GALNT9: variants seen among roughly 807,000 people sequenced by gnomAD.
GALNT9 encodes the protein GalNAc transferase 9.
GALNT9 carries 47 observed loss-of-function variants against 63.1 expected under a neutral mutation model. That is an observed-to-expected ratio of 0.75 (90% confidence interval 0.59 to 0.95). The LOEUF is 0.95. GALNT9 is among the 40% of genes least tolerant of loss of function. The pLI, the probability that GALNT9 is intolerant of heterozygous loss-of-function variation, is 0.00. For missense variants in GALNT9, 829 were observed against 874.8 expected, an observed-to-expected ratio of 0.95 and a Z score of 0.66; for synonymous variants, 396 against 365.7, an observed-to-expected ratio of 1.08 and a Z score of -0.94.
chr12:132,271,055 C>T (rs782684832), intron 2 of GALNT9, among the ~76,000 whole-genome samples: 7 of 152,130 alleles, frequency 4.6e-5, no homozygotes, highest in Non-Finnish European at 7.4e-5. Context: ...CCTCAGCTGC[C>T]GCCGTCCGCT....
chr12:132,295,999 C>T (rs566808344), intron 1 of GALNT9, among the ~76,000 whole-genome samples: 12 of 138,816 alleles, frequency 8.6e-5, no homozygotes, highest in East Asian at 7.9e-4. Context: ...GGACGGCCTC[C>T]GGAACAGGGA....
chr12:132,295,294 G>A (rs1555243124), intron 1 of GALNT9, among the ~76,000 whole-genome samples: 1 of 152,242 alleles, frequency 6.6e-6, no homozygotes, highest in Admixed American at 6.5e-5. Flanking sequence ...CCAGCGCCAG[G>A]CGCTGTGCAG....
chr12:132,277,854 G>C (rs1314854809), intron 2 of GALNT9: 1 of 152,236 alleles, frequency 6.6e-6, no homozygotes, highest in East Asian at 1.9e-4. Flanking sequence ...GAGACCCTGC[G>C]CCAGGCCCCA....
chr12:132,320,650 G>A (rs1461768322), intron 1 of GALNT9, among the ~76,000 whole-genome samples: 7 of 29,642 alleles, frequency 2.4e-4, no homozygotes, highest in African/African-American at 1.0e-3. Context: ...GGGACACGGT[G>A]GAGGAGGTGG....
chr12:132,304,445 A>G (rs1216882574), intron 1 of GALNT9, among the ~76,000 whole-genome samples: 11 of 43,266 alleles, frequency 2.5e-4, no homozygotes, highest in East Asian at 1.9e-3. Context: ...GCCCGGGCAC[A>G]CCCTCGCCCG....
At chr12:132,280,724 A>C (rs1480299417) in intron 2 of GALNT9, 1 of 152,070 alleles carries the variant, frequency 6.6e-6, no homozygotes, top group Non-Finnish European at 1.5e-5. Flanking sequence ...GACCCCGGGG[A>C]AGAGACCCCT....
At position 132,286,145 on chromosome 12, in the gene GALNT9, C is replaced by CTCACTTCCCCGGCCGGCGTGGGGGGCAG; in HGVS notation, c.419+77_419+104dup. ...ACTTCCCTGGCGGGCGTGGGGGCCG[C>CTCACTTCCCCGGCCGGCGTGGGGGGCAG]TCACTTCCCCGGCCGGCGTGGGGGG... On this transcript the variant is annotated intron_variant, in intron 2 of 10. Transcript: ENST00000328957. The surrounding 1 kb of genome is among the most constrained non-coding windows in gnomAD (Gnocchi z 7.4). The CTCACTTCCCCGGCCGGCGTGGGGGGCAG allele has an allele frequency of 4.4e-6, 5 of 1,146,654 alleles. No homozygotes were observed. Among genetic ancestry groups the CTCACTTCCCCGGCCGGCGTGGGGGGCAG allele is most frequent in the Non-Finnish European group, 5.7e-6 (5 of 870,838 alleles). The allele number at this position is 1,146,654 out of a possible 1,614,324, so 71.0% of individuals were successfully genotyped here.
rs80062514 is a variant in GALNT9 at position 132,213,873 on chromosome 12, G to A, written c.1078-10183C>T. On this transcript the variant is annotated intron_variant, in intron 6 of 10. Coordinates refer to ENST00000328957, the MANE Select transcript of GALNT9 (RefSeq NM_001122636.2). The stretch of plus-strand genomic sequence containing the variant: ...GCCTCGACTGCATCAGTTGGTGCGC[G>A]TGGGCGCTGACAGTCCAGAACAGCC... Among the ~76,000 whole-genome samples the A allele has an allele frequency of 7.8e-4, 119 of 152,354 alleles. 2 individuals are homozygous for A. In the East Asian group the frequency reaches 0.019, roughly 24 times the overall value.
intron 1 of GALNT9, among the ~76,000 whole-genome samples, chr12:132,300,674 C>T (rs1174815702): frequency 4.0e-5 from 6 of 150,850 alleles, no homozygotes; most frequent in Admixed American, 2.0e-4. Context: ...GACCAAGCCA[C>T]TCCTGAGATA....
intron 6 of GALNT9, among the ~76,000 whole-genome samples, chr12:132,217,264 T>C (rs10902523): frequency 0.59 from 85,638 of 144,330 alleles, 25,440 homozygotes; most frequent in East Asian, 0.78. Context: ...CATCCATCCA[T>C]TCACTCATCC....
chr12:132,299,112 T>C (rs1326006518), intron 1 of GALNT9, among the ~76,000 whole-genome samples: 2 of 101,560 alleles, frequency 2.0e-5, no homozygotes, highest in Non-Finnish European at 1.9e-5. Flanking sequence ...GATAACCCAC[T>C]CCCATGATAA....
chr12:132,281,301 G>A (rs1555241664), intron 2 of GALNT9, among the ~76,000 whole-genome samples: 3 of 152,222 alleles, frequency 2.0e-5, no homozygotes, highest in African/African-American at 7.2e-5. Context: ...TCCAGGCTGG[G>A]CGTGGAGCCT....
Position 132,266,000 on chromosome 12 carries a change from G to A in GALNT9, c.420-3375C>T, listed in dbSNP as rs966573179. ...TGAACAGGCACGCACAGCCAACCGC[G>A]GGCCTGTCTGCCTTTACACGCCCGA... On this transcript the variant is annotated intron_variant, in intron 2 of 10. Coordinates refer to ENST00000328957, the MANE Select transcript of GALNT9 (RefSeq NM_001122636.2). This position sits in a 1 kb window ranked among gnomAD's most constrained non-coding sequence, Gnocchi z 5.3. Among the ~76,000 whole-genome samples the A allele has an allele frequency of 7.4e-5, 11 of 149,506 alleles. No individual in the cohort carries two copies. Among genetic ancestry groups the A allele is most frequent in the South Asian group, 4.2e-4 (2 of 4,728 alleles).
In GALNT9 at chr12:132,260,623, C is replaced by T. The variant is rs547060286; in HGVS notation, c.761+325G>A. ...GTACCCGAGCCTGCTGGAGTCAGGA[C>T]AGGGTCACATTCTCCTGGGGCAAGG... On this transcript the variant is annotated intron_variant, in intron 4 of 10. Coordinates refer to ENST00000328957, the MANE Select transcript of GALNT9 (RefSeq NM_001122636.2). Among the ~76,000 whole-genome samples, 395 of 152,338 alleles carry T rather than the reference C, an allele frequency of 2.6e-3. 2 individuals are homozygous for T. Among genetic ancestry groups the T allele is most frequent in the African/African-American group, 9.0e-3 (374 of 41,576 alleles).
chr12:132,260,133 A>G (rs1420065608), intron 4 of GALNT9, among the ~76,000 whole-genome samples: 1 of 151,976 alleles, frequency 6.6e-6, no homozygotes, highest in Non-Finnish European at 1.5e-5. Context: ...GACTGCCCCA[A>G]CTCTAATGAC....
chr12:132,270,719 C>T (rs1317437326), intron 2 of GALNT9, among the ~76,000 whole-genome samples: 8 of 152,124 alleles, frequency 5.3e-5, no homozygotes, highest in African/African-American at 1.7e-4. Flanking sequence ...GACACGGCCA[C>T]GGCCACAGCC....
intron 1 of GALNT9, among the ~76,000 whole-genome samples, chr12:132,309,350 G>A (rs967727865): frequency 1.3e-5 from 2 of 152,208 alleles, no homozygotes; most frequent in Admixed American, 6.5e-5. Context: ...AGCCGCCCTG[G>A]AGGTCGAGGG....
At chr12:132,276,375 C>T (rs549853896) in intron 2 of GALNT9, 22 of 155,232 alleles carry the variant, frequency 1.4e-4, no homozygotes, top group African/African-American at 4.8e-4. Flanking sequence ...CGCCGCCTAT[C>T]TCCACGATGG....
At chr12:132,224,790 TCATA>T (rs1340506630) in intron 6 of GALNT9, among the ~76,000 whole-genome samples, 1 of 76,136 alleles carries the variant, frequency 1.3e-5, no homozygotes, top group African/African-American at 5.5e-5. Flanking sequence ...CACATACATC[TCATA>T]CACACACCCC....
Sources: allele counts gnomAD v4.1 joint callset (sites outside exome capture counted in the v4.1 genomes callset), GRCh38; gene constraint gnomAD v4.1.1; non-coding constraint Gnocchi (gnomAD v3.1); transcripts MANE v1.5; gene names NCBI Gene and HGNC (gene_info 2026-07-23, HGNC 2026-07-21).